MED10: variants seen among roughly 807,000 people sequenced by gnomAD.
MED10 encodes the protein mediator of RNA polymerase II transcription subunit 10.
In MED10, 9 loss-of-function variants were observed where a neutral mutation model predicts 17.2. The observed-to-expected ratio is 0.52, with a 90% CI of 0.31 to 0.91. The LOEUF is 0.91. Ranked by LOEUF, MED10 falls within the 40% of genes least tolerant of loss-of-function variation. The probability of loss-of-function intolerance (pLI) is 0.04; values close to 1 mark genes in which losing one functional copy is unlikely to be tolerated. For missense variants in MED10, 129 were observed against 164.8 expected, an observed-to-expected ratio of 0.78 and a Z score of 1.19; for synonymous variants, 66 against 59.8, an observed-to-expected ratio of 1.10 and a Z score of -0.48.
Position 6,374,357 on chromosome 5 carries a change from AT to A in MED10, c.275del (p.Asn92MetfsTer11), listed in dbSNP as rs1321850340. 36 of 1,613,832 alleles carry A rather than the reference AT, an allele frequency of 2.2e-5. No homozygotes were observed. The highest frequency in any genetic ancestry group is 3.0e-5 in the Non-Finnish European group (35 of 1,179,910). On this transcript the variant is annotated frameshift_variant, in exon 3 of 4. Transcript: ENST00000255764. LOFTEE classifies it high-confidence loss of function. The stretch of plus-strand genomic sequence containing the variant: ...TGTCGATCTTGCCTTTAACTTGCTC[AT>A]TTTTAGCTAGAGCCCTCTCCAGGCA... Reference protein sequence around the residue: ...KECLERALAKNEQVKGKIDTM... With the variant: ...KECLERALAKXEQVKGKIDTM...
Position 6,378,166 on chromosome 5 carries a change from C to T in MED10, c.122+196G>A, listed in dbSNP as rs1738039272. 1.3e-5 allele frequency among the ~76,000 whole-genome samples: 2 copies of T among 152,268 alleles called. 1 individual carries two copies. The highest frequency in any genetic ancestry group is 4.1e-4 in the South Asian group (2 of 4,832). ...GGGCCTCAAAGAGGTTGGCTCTTGG[C>T]AACAGGCTGGAGCGCGGGCCCCGCC... On this transcript the variant is annotated intron_variant, in intron 1 of 3. Transcript: ENST00000255764.
chr5:6,377,586 A>G (rs74814907), intron 1 of MED10, among the ~76,000 whole-genome samples: 378 of 152,306 alleles, frequency 2.5e-3, no homozygotes, highest in African/African-American at 8.6e-3. Context: ...CGAACACATG[A>G]GGCAGCGGAC....
intron 3 of MED10, among the ~76,000 whole-genome samples, chr5:6,373,583 C>T (rs568465407): frequency 1.3e-5 from 2 of 152,096 alleles, no homozygotes; most frequent in South Asian, 2.1e-4. Flanking sequence ...GAAAAGAACA[C>T]GAACGAAAGG....
intron 3 of MED10, among the ~76,000 whole-genome samples, chr5:6,373,834 T>C (rs939798313): frequency 1.3e-5 from 2 of 151,916 alleles, no homozygotes; most frequent in Non-Finnish European, 2.9e-5. Flanking sequence ...GTGCAGAGAG[T>C]TCTCTACATC....
At chr5:6,374,452 G>A (rs1338796391) in intron 2 of MED10, 26 bp from the exon 3 acceptor site, 1 of 1,478,782 alleles carries the variant, frequency 6.8e-7, no homozygotes, top group Non-Finnish European at 9.5e-7. Flanking sequence ...ATTTCAATTA[G>A]CATTCTCATG....
chr5:6,374,066 G>A (rs1737945207), intron 3 of MED10, among the ~76,000 whole-genome samples: 1 of 152,208 alleles, frequency 6.6e-6, no homozygotes, highest in South Asian at 2.1e-4. Context: ...AAATGAAAAT[G>A]ATCACAGCCA....
chr5:6,376,101 T>C (rs1478309703), intron 2 of MED10, among the ~76,000 whole-genome samples: 2 of 152,312 alleles, frequency 1.3e-5, no homozygotes, highest in South Asian at 2.1e-4. Context: ...TCGTCCCACC[T>C]GAAGTCAGAG....
At chr5:6,373,950 T>A (rs1737942713) in intron 3 of MED10, among the ~76,000 whole-genome samples, 1 of 152,032 alleles carries the variant, frequency 6.6e-6, no homozygotes, top group African/African-American at 2.4e-5. Flanking sequence ...AAATCAATAT[T>A]CAAGAATCCT....
In MED10 at chr5:6,372,515, G is replaced by A. The variant is rs763872552; in HGVS notation, c.396C>T (p.His132=). The change falls in exon 4 of 4, where the codon CAC becomes CAT. Residue 132 remains histidine (H), a synonymous_variant. Coordinates refer to ENST00000255764, the MANE Select transcript of MED10 (RefSeq NM_032286.3). ...AKYRSIRGED[H]PPS Reference sequence around the variant, plus strand: ...GAGGGTGAGCTGGTTAAGAAGGCGGGTGATCCTCCCCCCGGATGCTTCGAT... The same window carrying A: ...GAGGGTGAGCTGGTTAAGAAGGCGGATGATCCTCCCCCCGGATGCTTCGAT... 24 of 1,614,022 alleles carry A rather than the reference G, an allele frequency of 1.5e-5. No homozygotes were observed. The South Asian group carries it at 2.5e-4, about 17-fold the overall frequency.
At position 6,372,253 on chromosome 5, in the gene MED10, C is replaced by T. The variant is rs1579252426; in HGVS notation, c.*250G>A. 2 of 484,440 alleles carry T rather than the reference C, an allele frequency of 4.1e-6. No individual in the cohort carries two copies. The highest frequency in any genetic ancestry group is 3.7e-5 in the Admixed American group (1 of 26,924). The allele number at this position is 484,440 out of a possible 1,614,324, so 30.0% of individuals were successfully genotyped here. ...CATCTGCCCTCAGAGAGAATGATCCCCACAGTGATGAGGGGTCAGCACTCT... is the reference window on the plus strand; with the variant it reads ...CATCTGCCCTCAGAGAGAATGATCCTCACAGTGATGAGGGGTCAGCACTCT... On this transcript the variant is annotated 3_prime_UTR_variant, in exon 4 of 4. Transcript: ENST00000255764.
Position 6,372,459 on chromosome 5 carries a change from G to C in MED10, c.*44C>G. 1.3e-6 allele frequency: 2 copies of C among 1,541,920 alleles called. No individual in the cohort carries two copies. Among genetic ancestry groups the C allele is most frequent in the Non-Finnish European group, 1.8e-6 (2 of 1,114,728 alleles). ...GCACTCGCAGTCCCAGCCTCACGCC[G>C]CATCGCAGTCCCAGGGGATCTTCAC... On this transcript the variant is annotated 3_prime_UTR_variant, in exon 4 of 4. Coordinates refer to ENST00000255764, the MANE Select transcript of MED10 (RefSeq NM_032286.3).
At chr5:6,373,470 C>T (rs886979048) in intron 3 of MED10, among the ~76,000 whole-genome samples, 1 of 152,178 alleles carries the variant, frequency 6.6e-6, no homozygotes, top group Admixed American at 6.5e-5. Flanking sequence ...AAAGGCTGGT[C>T]CCAAAGGCCT....
rs1666558544 is a variant in MED10, at chr5:6,372,131, G to GA, written c.*371dup. ...TCGGACACCATAATACAATAGAACA[G>GA]AAAGAGTATGTTAAAAGAAAAATAT... On this transcript the variant is annotated 3_prime_UTR_variant, in exon 4 of 4. Transcript: ENST00000255764. 5.4e-6 allele frequency: 1 copy of GA among 184,190 alleles called. No individual in the cohort carries two copies. The highest frequency in any genetic ancestry group is 1.1e-5 in the Non-Finnish European group (1 of 88,842). 11.4% of individuals were successfully genotyped at this position (184,190 alleles called of 1,614,324 possible).
At position 6,372,285 on chromosome 5, in the gene MED10, C is replaced by T; in HGVS notation, c.*218G>A. The T allele has an allele frequency of 1.8e-6, 1 of 546,120 alleles. No homozygotes were observed. Among genetic ancestry groups the T allele is most frequent in the Non-Finnish European group, 3.2e-6 (1 of 308,244 alleles). The allele number at this position is 546,120 out of a possible 1,614,324, so 33.8% of individuals were successfully genotyped here. A position where few individuals can be genotyped will look rare whatever the true frequency, so the allele number is the denominator to read the frequency against. On this transcript the variant is annotated 3_prime_UTR_variant, in exon 4 of 4. Transcript: ENST00000255764. Reference sequence around the variant, plus strand: ...GATGAGGGGTCAGCACTCTGAAAGCCAGTTGACGCCAGACAAGCTGCTGGA... The same window carrying T: ...GATGAGGGGTCAGCACTCTGAAAGCTAGTTGACGCCAGACAAGCTGCTGGA...
intron 2 of MED10, chr5:6,374,681 TCACAAGC>T (rs1326975265): frequency 2.4e-6 from 1 of 416,064 alleles, no homozygotes; most frequent in Non-Finnish European, 4.5e-6. Context: ...CAAGCACGCT[TCACAAGC>T]CATACCACTT....
At position 6,372,471 on chromosome 5, in the gene MED10, C is replaced by T. The variant is rs913066804; in HGVS notation, c.*32G>A. ...CCAGCCTCACGCCGCATCGCAGTCC[C>T]AGGGGATCTTCACACAGGGAGGGTG... On this transcript the variant is annotated 3_prime_UTR_variant, in exon 4 of 4. Coordinates refer to ENST00000255764, the MANE Select transcript of MED10 (RefSeq NM_032286.3). 1.1e-5 allele frequency: 17 copies of T among 1,591,926 alleles called. No individual in the cohort carries two copies. The highest frequency in any genetic ancestry group is 2.2e-5 in the East Asian group (1 of 44,778).
chr5:6,373,124 G>A (rs1330760152), intron 3 of MED10, among the ~76,000 whole-genome samples: 1 of 152,152 alleles, frequency 6.6e-6, no homozygotes, highest in East Asian at 1.9e-4. Flanking sequence ...CACTTCTGAG[G>A]TGTGCTGTTT....
In MED10 at chr5:6,372,265, G is replaced by C; in HGVS notation, c.*238C>G. ...GAGAGAATGATCCCCACAGTGATGAGGGGTCAGCACTCTGAAAGCCAGTTG... is the reference window on the plus strand; with the variant it reads ...GAGAGAATGATCCCCACAGTGATGACGGGTCAGCACTCTGAAAGCCAGTTG... On this transcript the variant is annotated 3_prime_UTR_variant, in exon 4 of 4. Coordinates refer to ENST00000255764, the MANE Select transcript of MED10 (RefSeq NM_032286.3). 2.0e-6 allele frequency: 1 copy of C among 510,482 alleles called. No individual in the cohort carries two copies. The highest frequency in any genetic ancestry group is 3.2e-5 in the East Asian group (1 of 31,678). The allele number at this position is 510,482 out of a possible 1,614,324, so 31.6% of individuals were successfully genotyped here.
At position 6,378,274 on chromosome 5, in the gene MED10, G is replaced by C. The variant is rs1738042517; in HGVS notation, c.122+88C>G. Reference sequence around the variant, plus strand: ...GGGGCACGAGTAGCGGTCAGGCTCGGCTCGGGCTCCCTAGATCCCCGCTCC... The same window carrying C: ...GGGGCACGAGTAGCGGTCAGGCTCGCCTCGGGCTCCCTAGATCCCCGCTCC... On this transcript the variant is annotated intron_variant, in intron 1 of 3. Coordinates refer to ENST00000255764, the MANE Select transcript of MED10 (RefSeq NM_032286.3). 5 of 1,438,416 alleles carry C rather than the reference G, an allele frequency of 3.5e-6. No homozygotes were observed. The South Asian group carries it at 7.1e-5, about 21-fold the overall frequency. The allele number at this position is 1,438,416 out of a possible 1,614,324, so 89.1% of individuals were successfully genotyped here. A position where few individuals can be genotyped will look rare whatever the true frequency, so the allele number is the denominator to read the frequency against.
Sources: gnomAD v4.1 joint callset for allele counts (sites outside exome capture counted in the v4.1 genomes callset) on GRCh38, gnomAD v4.1.1 for gene constraint, MANE v1.5 for transcripts, NCBI Gene and HGNC (gene_info 2026-07-23, HGNC 2026-07-21) for gene names.